The following MACROD2 variants were observed in gnomAD, a reference collection of about 807,000 sequenced individuals.
The protein encoded by MACROD2 is ADP-ribose glycohydrolase MACROD2.
Under a neutral mutation model 70.4 loss-of-function variants are expected in MACROD2, and 36 were observed. That is an observed-to-expected ratio of 0.51 (90% CI 0.39 to 0.68). The LOEUF (loss-of-function observed/expected upper bound fraction) is 0.68. Among genes scored for constraint, MACROD2 ranks in the 30% least tolerant of loss-of-function variants. The pLI is 0.00. For missense variants in MACROD2, 496 were observed against 538.4 expected, an observed-to-expected ratio of 0.92 and a Z score of 0.78; for synonymous variants, 172 against 178.8, an observed-to-expected ratio of 0.96 and a Z score of 0.30.
At chr20:15,501,314 A>G (rs1352902038) in intron 8 of MACROD2, among the ~76,000 whole-genome samples, 1 of 152,318 alleles carries the variant, frequency 6.6e-6, no homozygotes, top group East Asian at 1.9e-4. Flanking sequence ...CATCATTTCC[A>G]CTAGAATAGT....
chr20:15,184,417 A>G (rs1361201806), intron 5 of MACROD2, among the ~76,000 whole-genome samples: 1 of 152,182 alleles, frequency 6.6e-6, no homozygotes, highest in Non-Finnish European at 1.5e-5. Context: ...AGTTGCTATA[A>G]TAAACAACCC....
At chr20:15,639,058 C>T (rs1303206141) in intron 8 of MACROD2, among the ~76,000 whole-genome samples, 1 of 152,060 alleles carries the variant, frequency 6.6e-6, no homozygotes, top group South Asian at 2.1e-4. Context: ...ACAGCAGGTT[C>T]GGGGCTTATC....
chr20:14,184,387 T>G (rs182665311), intron 3 of MACROD2, among the ~76,000 whole-genome samples: 1 of 152,156 alleles, frequency 6.6e-6, no homozygotes, highest in Non-Finnish European at 1.5e-5. Context: ...TTGGTCAATG[T>G]GTCTGTTTTT....
intron 5 of MACROD2, among the ~76,000 whole-genome samples, chr20:14,875,030 A>G (rs1414261353): frequency 1.3e-5 from 2 of 152,014 alleles, no homozygotes; most frequent in African/African-American, 4.8e-5. Flanking sequence ...TTGTGATGAC[A>G]CTGAATTTTT....
chr20:14,052,033 C>T (rs2053574616), intron 2 of MACROD2: 1 of 436,864 alleles, frequency 2.3e-6, no homozygotes. Context: ...ATTCTTCTTA[C>T]ATATTTTACT....
intron 8 of MACROD2, among the ~76,000 whole-genome samples, chr20:15,770,503 A>G (rs2051606592): frequency 6.6e-6 from 1 of 151,980 alleles, no homozygotes; most frequent in Non-Finnish European, 1.5e-5. Flanking sequence ...CAGCTTTTCT[A>G]TTTCACCCTT....
intron 8 of MACROD2, among the ~76,000 whole-genome samples, chr20:15,734,284 G>A (rs974423431): frequency 6.6e-6 from 1 of 152,162 alleles, no homozygotes; most frequent in African/African-American, 2.4e-5. Flanking sequence ...ATTTCATGCA[G>A]AGTCAGCAAA....
rs117921669 is a variant in MACROD2, at chr20:14,694,281, G to A, written c.418+9322G>A. ...AACAAAGGGAATGCTGCTTCTGATA[G>A]AGCTGACAGGAATTTTAATTATTAC... On this transcript the variant is annotated intron_variant, in intron 5 of 17. Coordinates refer to ENST00000684519, the MANE Select transcript of MACROD2 (RefSeq NM_001351661.2). Among the ~76,000 whole-genome samples, 617 of 152,276 alleles carry A rather than the reference G, an allele frequency of 4.1e-3. 4 individuals are homozygous for A. The highest frequency in any genetic ancestry group is 6.8e-3 in the Middle Eastern group (2 of 294).
intron 8 of MACROD2, among the ~76,000 whole-genome samples, chr20:15,714,032 C>CAT (rs1555868659): frequency 2.0e-5 from 3 of 149,710 alleles, no homozygotes; most frequent in Admixed American, 2.0e-4. Flanking sequence ...CACACACACA[C>CAT]GGTATAAATG....
At chr20:15,088,229 T>C (rs1417871075) in intron 5 of MACROD2, among the ~76,000 whole-genome samples, 1 of 151,548 alleles carries the variant, frequency 6.6e-6, no homozygotes, top group Non-Finnish European at 1.5e-5. Flanking sequence ...TGGCATCATA[T>C]ATAATGGCAA....
rs1356710000 is a variant in MACROD2 at position 15,304,379 on chromosome 20, T to C, written c.540+74318T>C. The stretch of plus-strand genomic sequence containing the variant: ...CACATGTTTTATAAGTTGGTCAACA[T>C]TTACCAATCAGGATGTTTTATATAA... On this transcript the variant is annotated intron_variant, in intron 6 of 17. Coordinates refer to ENST00000684519, the MANE Select transcript of MACROD2 (RefSeq NM_001351661.2). Among the ~76,000 whole-genome samples, 5 of 152,310 alleles carry C rather than the reference T, an allele frequency of 3.3e-5. No homozygotes were observed. In the South Asian group the frequency reaches 8.3e-4, roughly 25 times the overall value.
intron 9 of MACROD2, among the ~76,000 whole-genome samples, chr20:15,878,728 A>C (rs1191054445): frequency 1.3e-5 from 2 of 152,116 alleles, no homozygotes; most frequent in Admixed American, 1.3e-4. Flanking sequence ...ATAATAATTA[A>C]AACAAAAATC....
chr20:15,388,312 A>G (rs1368059977), intron 6 of MACROD2, among the ~76,000 whole-genome samples: 1 of 152,008 alleles, frequency 6.6e-6, no homozygotes, highest in Non-Finnish European at 1.5e-5. Context: ...CAAAGACACC[A>G]AGATGTTTTG....
At chr20:15,188,733 A>C (rs1190425721) in intron 5 of MACROD2, among the ~76,000 whole-genome samples, 1 of 152,170 alleles carries the variant, frequency 6.6e-6, no homozygotes, top group African/African-American at 2.4e-5. Flanking sequence ...TTTATTTATA[A>C]GGCACTGTTC....
intron 8 of MACROD2, among the ~76,000 whole-genome samples, chr20:15,858,400 T>G (rs1178428552): frequency 6.6e-6 from 1 of 152,176 alleles, no homozygotes; most frequent in Non-Finnish European, 1.5e-5. Flanking sequence ...TTTGTACAAG[T>G]CAGATTTCCA....
intron 7 of MACROD2, among the ~76,000 whole-genome samples, chr20:15,488,086 C>G (rs2047184416): frequency 6.6e-6 from 1 of 152,104 alleles, no homozygotes; most frequent in African/African-American, 2.4e-5. Context: ...CTGTCCTAGT[C>G]TAGGGATCCT....
intron 6 of MACROD2, among the ~76,000 whole-genome samples, chr20:15,369,117 G>A (rs2045455447): frequency 6.6e-6 from 1 of 152,066 alleles, no homozygotes; most frequent in African/African-American, 2.4e-5. Context: ...TCACTAGAGA[G>A]GAGTAAAAAT....
intron 2 of MACROD2, among the ~76,000 whole-genome samples, chr20:14,044,921 A>G (rs2053447147): frequency 6.6e-6 from 1 of 152,144 alleles, no homozygotes; most frequent in Non-Finnish European, 1.5e-5. Flanking sequence ...AGCCCATGGC[A>G]GTGGAGGGGA....
At chr20:16,034,318 T>G (rs1004780113) in intron 15 of MACROD2, among the ~76,000 whole-genome samples, 1 of 152,056 alleles carries the variant, frequency 6.6e-6, no homozygotes. Context: ...CTGGTGTTGA[T>G]ATTGACGCTG....
Sources: allele counts gnomAD v4.1 joint callset (sites outside exome capture counted in the v4.1 genomes callset), GRCh38; gene constraint gnomAD v4.1.1; transcripts MANE v1.5; gene names NCBI Gene and HGNC (gene_info 2026-07-23, HGNC 2026-07-21).